Variants in PDE1A observed in about 807,000 individuals in gnomAD.
PDE1A encodes the protein dual specificity calcium/calmodulin-dependent 3',5'-cyclic nucleotide phosphodiesterase 1A.
A neutral mutation model predicts 61.7 loss-of-function variants in PDE1A; 35 were observed. That is an observed-to-expected ratio of 0.57 (90% confidence interval 0.43 to 0.75). The LOEUF (loss-of-function observed/expected upper bound fraction) is 0.75. Ranked by LOEUF, PDE1A falls within the 30% of genes least tolerant of loss-of-function variation. The pLI, the probability that PDE1A is intolerant of heterozygous loss-of-function variation, is 0.00. For synonymous variants in PDE1A, 232 were observed against 213.2 expected, an observed-to-expected ratio of 1.09 and a Z score of -0.77; for missense variants, 597 against 630.6, an observed-to-expected ratio of 0.95 and a Z score of 0.57.
At chr2:182,580,102 T>A in the PDE1A span, among the ~76,000 whole-genome samples, 1 of 152,208 alleles carries the variant, frequency 6.6e-6, no homozygotes, top group African/African-American at 2.4e-5. Context: ...ATTTCCTAAA[T>A]TTGCCTTGCT....
chr2:182,291,886 G>A (rs1395099103), intron 1 of PDE1A, among the ~76,000 whole-genome samples: 1 of 152,044 alleles, frequency 6.6e-6, no homozygotes, highest in African/African-American at 2.4e-5. Flanking sequence ...ATATTTGTAT[G>A]CAATTTGGAG....
chr2:182,494,028 T>C (rs1346817060), intron 2 of PDE1A, among the ~76,000 whole-genome samples: 1 of 152,362 alleles, frequency 6.6e-6, no homozygotes, highest in Non-Finnish European at 1.5e-5. Flanking sequence ...CAGAGAATGA[T>C]AATGTTCCTT....
chr2:182,295,224 A>G (rs56270775), intron 1 of PDE1A, among the ~76,000 whole-genome samples: 8,665 of 151,024 alleles, frequency 0.057, 393 homozygotes, highest in African/African-American at 0.13. Context: ...ACAGGCGCCC[A>G]CCACCGCGCC....
chr2:182,615,382 A>T, the PDE1A span, among the ~76,000 whole-genome samples: 1 of 152,238 alleles, frequency 6.6e-6, no homozygotes, highest in African/African-American at 2.4e-5. Flanking sequence ...GATACAAAAA[A>T]AAAGTGGTAG....
chr2:182,247,343 C>A (rs1421533395), intron 2 of PDE1A, among the ~76,000 whole-genome samples: 1 of 152,088 alleles, frequency 6.6e-6, no homozygotes. Flanking sequence ...TCATTTATCA[C>A]ATAGAGAAGA....
Position 182,442,713 on chromosome 2 carries a change from T to C in PDE1A, c.101+79563A>G, listed in dbSNP as rs574891979. On this transcript the variant is annotated intron_variant, in intron 2 of 14. Coordinates refer to the PDE1A transcript ENST00000410103. ...TGTACTATTCTTGCAACTTTAAAATTACACTAAATTTGAAAATTTTTTTAA... is the reference window on the plus strand; with the variant it reads ...TGTACTATTCTTGCAACTTTAAAATCACACTAAATTTGAAAATTTTTTTAA... Among the ~76,000 whole-genome samples the C allele has an allele frequency of 2.3e-3, 355 of 152,204 alleles. 2 individuals carry two copies. Among genetic ancestry groups the C allele is most frequent in the African/African-American group, 8.3e-3 (345 of 41,572 alleles).
chr2:182,596,705 G>T, the PDE1A span, among the ~76,000 whole-genome samples: 8 of 151,964 alleles, frequency 5.3e-5, no homozygotes, highest in Non-Finnish European at 1.0e-4. Context: ...ATGGATGGAT[G>T]GATGGATGGA....
At chr2:182,231,389 T>C (rs1035258121) in intron 4 of PDE1A, among the ~76,000 whole-genome samples, 2 of 152,162 alleles carry the variant, frequency 1.3e-5, no homozygotes, top group African/African-American at 4.8e-5. Flanking sequence ...CATTTGATAA[T>C]ACCATAATAC....
rs565195342 is a variant in PDE1A at position 182,302,918 on chromosome 2, G to A, written c.54-38504C>T. Among the ~76,000 whole-genome samples, 3 of 152,170 alleles carry A rather than the reference G, an allele frequency of 2.0e-5. No homozygotes were observed. In the East Asian group the frequency reaches 5.8e-4, roughly 29 times the overall value. ...TCAAGGAACCACTTTCTTTGCTCAC[G>A]CATAAGAAGCAACTCTTCATCCACT... On this transcript the variant is annotated intron_variant, in intron 1 of 13. Coordinates refer to ENST00000351439, the Ensembl canonical transcript of PDE1A.
intron 2 of PDE1A, among the ~76,000 whole-genome samples, chr2:182,438,564 G>C (rs16823249): frequency 0.086 from 13,004 of 151,998 alleles, 1,862 homozygotes; most frequent in African/African-American, 0.29. Context: ...TTTAGCCAGT[G>C]CTTGGAAGTT....
At chr2:182,405,323 C>T (rs565550392) in intron 1 of PDE1A, among the ~76,000 whole-genome samples, 2 of 152,152 alleles carry the variant, frequency 1.3e-5, no homozygotes, top group Non-Finnish European at 2.9e-5. Flanking sequence ...ATAAGAAGAA[C>T]AAGAAGACAC....
At chr2:182,638,380 A>G in the PDE1A span, among the ~76,000 whole-genome samples, 2 of 152,020 alleles carry the variant, frequency 1.3e-5, no homozygotes, top group East Asian at 1.9e-4. Context: ...ACTAAAAATA[A>G]CAAAAATTAG....
At chr2:182,468,662 C>T (rs1686826466) in intron 2 of PDE1A, among the ~76,000 whole-genome samples, 1 of 151,950 alleles carries the variant, frequency 6.6e-6, no homozygotes, top group African/African-American at 2.4e-5. Flanking sequence ...ATAGCAAATC[C>T]TATCCAGAAG....
intron 2 of PDE1A, among the ~76,000 whole-genome samples, chr2:182,249,473 G>C (rs1302042037): frequency 6.6e-6 from 1 of 152,124 alleles, no homozygotes. Flanking sequence ...GAGAGCCCTT[G>C]TCAGGCCCCC....
the PDE1A span, among the ~76,000 whole-genome samples, chr2:182,621,803 T>C: frequency 6.6e-6 from 1 of 152,198 alleles, no homozygotes; most frequent in Non-Finnish European, 1.5e-5. Context: ...ACAAGAAGAA[T>C]ACAGCATTAC....
chr2:182,309,335 T>A (rs1273250511), intron 1 of PDE1A, among the ~76,000 whole-genome samples: 1 of 152,072 alleles, frequency 6.6e-6, no homozygotes, highest in East Asian at 1.9e-4. Flanking sequence ...GAGCATACCA[T>A]CCTTATAATT....
the PDE1A span, among the ~76,000 whole-genome samples, chr2:182,571,745 C>CA: frequency 1.3e-5 from 2 of 151,558 alleles, no homozygotes; most frequent in African/African-American, 2.4e-5. Context: ...CCGAGAGTAG[C>CA]AAAAAAAGCT....
chr2:182,532,230 G>T, the PDE1A span, among the ~76,000 whole-genome samples: 1 of 152,116 alleles, frequency 6.6e-6, no homozygotes, highest in Non-Finnish European at 1.5e-5. Context: ...CAAAGAGCTA[G>T]AAGAAGGATA....
At chr2:182,634,581 T>C in the PDE1A span, among the ~76,000 whole-genome samples, 2 of 152,238 alleles carry the variant, frequency 1.3e-5, no homozygotes, top group South Asian at 4.1e-4. Context: ...TAGCATTTTC[T>C]GAGATGCTAA....
Sources: gnomAD v4.1 joint callset for allele counts (sites outside exome capture counted in the v4.1 genomes callset) on GRCh38, gnomAD v4.1.1 for gene constraint, MANE v1.5 for transcripts, NCBI Gene and HGNC (gene_info 2026-07-23, HGNC 2026-07-21) for gene names.